URB1: variants seen among roughly 807,000 people sequenced by gnomAD.
URB1 encodes nucleolar pre-ribosomal-associated protein 1.
URB1 carries 197 observed loss-of-function variants against 242.3 expected under a neutral mutation model. That is an observed-to-expected ratio of 0.81 (90% CI 0.72 to 0.91). The LOEUF (loss-of-function observed/expected upper bound fraction) is 0.91, where lower values mean the gene tolerates loss of function less well. Ranked by LOEUF, URB1 falls within the 40% of genes least tolerant of loss-of-function variation. The probability of loss-of-function intolerance (pLI) is 0.00; values close to 1 mark genes in which losing one functional copy is unlikely to be tolerated. For synonymous variants in URB1, 1,153 were observed against 1,201.8 expected (o/e 0.96, Z 0.84); for missense variants, 2,721 against 2,860.5 (o/e 0.95, Z 1.11).
chr21:32,317,598 C>G lies in URB1; in HGVS notation c.6034+78G>C, dbSNP rs149817210. On this transcript the variant is annotated intron_variant, in intron 37 of 38. Transcript: ENST00000382751. ...TAGCTTTGGAAATGTGGCTGAGAGACAGAGAGAGAGGGAGGGACGGACAGG... is the reference window on the plus strand; with the variant it reads ...TAGCTTTGGAAATGTGGCTGAGAGAGAGAGAGAGAGGGAGGGACGGACAGG... 28 of 1,505,172 alleles carry G rather than the reference C, an allele frequency of 1.9e-5. No homozygotes were observed. In the East Asian group the frequency reaches 5.7e-4, roughly 31 times the overall value. The allele number at this position is 1,505,172 out of a possible 1,614,324, so 93.2% of individuals were successfully genotyped here.
intron 10 of URB1, 92 bp from the exon 11 acceptor site, chr21:32,363,421 T>A (rs1601147094): frequency 1.4e-6 from 2 of 1,426,926 alleles, no homozygotes; most frequent in African/African-American, 1.4e-5. Flanking sequence ...CCTCCTCAGG[T>A]CACTCACAGG....
chr21:32,378,277 T>C (rs1233422962), intron 5 of URB1, among the ~76,000 whole-genome samples, 168 bp downstream of exon 5: 3 of 152,212 alleles, frequency 2.0e-5, no homozygotes, highest in Non-Finnish European at 4.4e-5. Flanking sequence ...AAAATGGTAC[T>C]GACCAAGGCT....
chr21:32,324,289 C>T (rs1230039041), intron 32 of URB1, among the ~76,000 whole-genome samples: 4 of 152,246 alleles, frequency 2.6e-5, no homozygotes, highest in African/African-American at 4.8e-5. Context: ...GGGTCCATGA[C>T]GAGCTTCCTC....
chr21:32,372,468 C>T, intron 8 of URB1, 39 bp downstream of exon 8: 3 of 1,542,904 alleles, frequency 1.9e-6, no homozygotes, highest in Non-Finnish European at 2.6e-6. Context: ...TTCTGAGGAA[C>T]ATACACACCC....
At position 32,357,602 on chromosome 21, in the gene URB1, T is replaced by C; in HGVS notation, c.1924A>G (p.Met642Val). Residue 642 changes from methionine to valine, a missense_variant, in exon 15 of 39, where the codon ATG (methionine) becomes GTG (valine). By Grantham distance (21) the Met-to-Val change is conservative. Transcript: ENST00000382751. ...TGGCTACTGGTCACAAACATTTTCATTAGTAAGTAAAATACTGATCGTTCA... is the reference window on the plus strand; with the variant it reads ...TGGCTACTGGTCACAAACATTTTCACTAGTAAGTAAAATACTGATCGTTCA... ...GGERSVFYLL[M>V]KMFVTSSHLQ... 1 of 1,536,992 alleles carries C rather than the reference T, an allele frequency of 6.5e-7. No individual in the cohort carries two copies. The highest frequency in any genetic ancestry group is 8.8e-7 in the Non-Finnish European group (1 of 1,142,578).
intron 30 of URB1, among the ~76,000 whole-genome samples, 196 bp from the exon 31 acceptor site, chr21:32,325,585 T>G (rs1307692564): frequency 6.6e-6 from 1 of 152,206 alleles, no homozygotes; most frequent in African/African-American, 2.4e-5. Flanking sequence ...GTGGCAATAA[T>G]GACCATACCT....
At chr21:32,329,588 CCTTGG>C (rs2032870632) in intron 30 of URB1, among the ~76,000 whole-genome samples, 1 of 152,180 alleles carries the variant, frequency 6.6e-6, no homozygotes, top group Non-Finnish European at 1.5e-5. Context: ...TTGCTAACAG[CCTTGG>C]CTGGCCCTGT....
Position 32,368,614 on chromosome 21 carries a change from A to G in URB1, c.1002-16T>C. The G allele has an allele frequency of 6.5e-7, 1 of 1,543,072 alleles. No individual in the cohort carries two copies. Among genetic ancestry groups the G allele is most frequent in the South Asian group, 1.2e-5 (1 of 82,704 alleles). ...GTTTCCGCCTCTGTTAGAGAAAGAC[A>G]CATGGGGAGAGGTCAGCAGAAAATG... is the stretch of plus-strand genomic sequence containing the variant. On this transcript the variant is annotated splice_polypyrimidine_tract_variant and intron_variant, in intron 8 of 38. Transcript: ENST00000382751.
In URB1 at chr21:32,366,700, G is replaced by C; in HGVS notation, c.1253C>G (p.Pro418Arg). The C allele has an allele frequency of 6.4e-7, 1 of 1,551,464 alleles. No individual in the cohort carries two copies. Among genetic ancestry groups the C allele is most frequent in the Non-Finnish European group, 8.7e-7 (1 of 1,146,846 alleles). ...SRAFQTREFI[P>R]LPRLLAMVMV... Reference sequence around the variant, plus strand: ...CACCATTGCCAGGAGCCGAGGCAAGGGTATAAACTCTCTGGTCTGAAATGC... The same window carrying C: ...CACCATTGCCAGGAGCCGAGGCAAGCGTATAAACTCTCTGGTCTGAAATGC... Residue 418 changes from proline (P) to arginine (R), a missense_variant, in exon 10 of 39, where the codon CCC (proline) becomes CGC (arginine). Coordinates refer to ENST00000382751, the MANE Select transcript of URB1 (RefSeq NM_014825.3).
intron 24 of URB1, among the ~76,000 whole-genome samples, chr21:32,343,699 G>T (rs115951731): frequency 6.6e-6 from 1 of 152,274 alleles, no homozygotes; most frequent in African/African-American, 2.4e-5. Context: ...CCCTCTAAAA[G>T]AGCCCAGTCT....
rs750109342 is a variant in URB1, at chr21:32,347,106, C to G, written c.3718G>C (p.Glu1240Gln). ...AACCACAGCAAGTGGGTGCAGCTCT[C>G]CTGGAGGAGCAGGGCAGCGATGCTG... is the stretch of plus-strand genomic sequence containing the variant. Reference protein sequence around the residue: ...ALSIAALLLQESCTHLLWFEQ... With the variant: ...ALSIAALLLQQSCTHLLWFEQ... The change falls in exon 22 of 39, where the codon GAG becomes CAG. Residue 1240 changes from glutamate (E) to glutamine (Q), a missense_variant. Glu to Gln is a conservative substitution (Grantham distance 29). Coordinates refer to ENST00000382751, the MANE Select transcript of URB1 (RefSeq NM_014825.3). The G allele has an allele frequency of 1.9e-6, 3 of 1,550,072 alleles. No individual in the cohort carries two copies. The South Asian group carries it at 3.6e-5, about 18-fold the overall frequency.
chr21:32,361,049 C>T lies in URB1; in HGVS notation c.1714G>A (p.Val572Met), dbSNP rs146498217. The change falls in exon 13 of 39, where the codon GTG becomes ATG. Residue 572 changes from valine to methionine, a missense_variant. By Grantham distance (21) the Val-to-Met change is conservative. Coordinates refer to ENST00000382751, the MANE Select transcript of URB1 (RefSeq NM_014825.3). ...ICLYQKVVPH[V>M]VMQYNFDFSK... ...AAGTCAAAGTTGTACTGCATGACCA[C>T]GTGGGGGACCACCTTCTGGTAGAGG... The T allele has an allele frequency of 1.5e-4, 240 of 1,551,052 alleles. 2 individuals are homozygous for T. The African/African-American group carries it at 2.5e-3, about 16-fold the overall frequency.
chr21:32,392,733 G>A (rs2146062616), intron 1 of URB1, 36 bp downstream of exon 1: 2 of 1,392,102 alleles, frequency 1.4e-6, no homozygotes, highest in South Asian at 3.2e-5. Context: ...TCGCCAGCCT[G>A]TGCTCCCGAC....
Position 32,354,083 on chromosome 21 carries a change from C to T in URB1, c.2266G>A (p.Val756Ile). The T allele has an allele frequency of 6.4e-7, 1 of 1,551,734 alleles. No individual in the cohort carries two copies. The highest frequency in any genetic ancestry group is 8.7e-7 in the Non-Finnish European group (1 of 1,147,006). Residue 756 changes from valine (V) to isoleucine (I), a missense_variant, in exon 18 of 39, where the codon GTC (valine) becomes ATC (isoleucine). Physicochemically the swap from Val to Ile is conservative, Grantham distance 29. Coordinates refer to ENST00000382751, the MANE Select transcript of URB1 (RefSeq NM_014825.3). ...AAGCCTTCACTGCCCTCCACCAGGA[C>T]ATCCACCATGTCGAGAACATCTGAG... ...HIDDVLDMVD[V>I]LVEGSEGLDE...
In URB1 at chr21:32,324,582, T is replaced by G; in HGVS notation, c.5142A>C (p.Val1714=). The G allele has an allele frequency of 6.4e-7, 1 of 1,551,704 alleles. No individual in the cohort carries two copies. The change falls in exon 32 of 39, where the codon GTA becomes GTC. Residue 1714 remains valine (V), a synonymous_variant. Transcript: ENST00000382751. Reference sequence around the variant, plus strand: ...CCTGAGTTCGAATCCCATTCCGGACTACATCCAACAGGTAAAGTAGCTTGA... The same window carrying G: ...CCTGAGTTCGAATCCCATTCCGGACGACATCCAACAGGTAAAGTAGCTTGA... ...EQSQLLYLLD[V]VRNGIRTQDM...
At chr21:32,381,026 TCC>T in intron 4 of URB1, among the ~76,000 whole-genome samples, 1 of 152,192 alleles carries the variant, frequency 6.6e-6, no homozygotes, top group Non-Finnish European at 1.5e-5. Flanking sequence ...AAATTTCACG[TCC>T]TGACATGATG....
chr21:32,316,568 G>A lies in URB1; in HGVS notation c.6532C>T (p.Leu2178=), dbSNP rs575644075. Residue 2178 remains leucine (L), a synonymous_variant, in exon 38 of 39, where the codon CTG becomes TTG. Coordinates refer to ENST00000382751, the MANE Select transcript of URB1 (RefSeq NM_014825.3). The part of the protein sequence containing the change: ...EVACLFNTVM[L]QLVAAQGRAG... Reference sequence around the variant, plus strand: ...CGGCCCTGGGCAGCCACCAGCTGCAGCATGACCGTATTGAACAGGCAGGCC... The same window carrying A: ...CGGCCCTGGGCAGCCACCAGCTGCAACATGACCGTATTGAACAGGCAGGCC... 1.9e-6 allele frequency: 3 copies of A among 1,551,348 alleles called. No individual in the cohort carries two copies. The highest frequency in any genetic ancestry group is 1.2e-5 in the South Asian group (1 of 84,060).
chr21:32,392,562 C>T (rs2033651590), intron 1 of URB1, among the ~76,000 whole-genome samples: 1 of 152,260 alleles, frequency 6.6e-6, no homozygotes, highest in South Asian at 2.1e-4. Context: ...CGGTCCCAAT[C>T]AAGCAAGTCG....
At position 32,337,367 on chromosome 21, in the gene URB1, T is replaced by C. The variant is rs767669304; in HGVS notation, c.4621+37A>G. On this transcript the variant is annotated intron_variant, in intron 27 of 38. Transcript: ENST00000382751. ...GCTCACACCCCCGGCCCTCACTCCC[T>C]CCCCCTGCTCACACTACCCAGCCCT... 2.6e-5 allele frequency: 39 copies of C among 1,498,508 alleles called. No individual in the cohort carries two copies. In the African/African-American group the frequency reaches 4.5e-4, roughly 17 times the overall value. 92.8% of individuals were successfully genotyped at this position (1,498,508 alleles called of 1,614,324 possible).
Sources: allele counts gnomAD v4.1 joint callset (sites outside exome capture counted in the v4.1 genomes callset), GRCh38; gene constraint gnomAD v4.1.1; transcripts MANE v1.5; gene names NCBI Gene and HGNC (gene_info 2026-07-23, HGNC 2026-07-21).